Variants in MAP3K13 observed in about 807,000 individuals in gnomAD.
MAP3K13 encodes the protein leucine zipper-bearing kinase.
In MAP3K13, 52 loss-of-function variants were observed where a neutral mutation model predicts 104.0. The ratio of observed to expected loss-of-function variants is 0.50; its 90% CI spans 0.40 to 0.63. MAP3K13 has a LOEUF of 0.63. MAP3K13 is among the 20% of genes least tolerant of loss of function. The probability of loss-of-function intolerance (pLI) is 0.00; values close to 1 mark genes in which losing one functional copy is unlikely to be tolerated. For missense variants in MAP3K13, 914 were observed against 1,218.5 expected, an observed-to-expected ratio of 0.75 and a Z score of 3.72; for synonymous variants, 394 against 442.2, an observed-to-expected ratio of 0.89 and a Z score of 1.37.
intron 2 of MAP3K13, among the ~76,000 whole-genome samples, chr3:185,308,753 T>C (rs1291277790): frequency 6.6e-6 from 1 of 152,194 alleles, no homozygotes; most frequent in Admixed American, 6.5e-5. Flanking sequence ...TCCTTTTCTT[T>C]CCCTTCTGAT....
chr3:185,360,782 T>C (rs1338540591), upstream of MAP3K13, among the ~76,000 whole-genome samples: 2 of 151,044 alleles, frequency 1.3e-5, no homozygotes, highest in African/African-American at 4.9e-5. Context: ...TTTGTTGCTG[T>C]CAAAACTTAC....
chr3:185,373,708 G>A (rs1724271413), intron 1 of MAP3K13, among the ~76,000 whole-genome samples: 2 of 151,946 alleles, frequency 1.3e-5, no homozygotes, highest in African/African-American at 4.8e-5. Flanking sequence ...TAAATAACAA[G>A]AGAACAAAAC....
chr3:185,362,930 AACAC>A (rs772942357), upstream of MAP3K13: 613 of 132,490 alleles, frequency 4.6e-3, 3 homozygotes, highest in African/African-American at 0.015. Context: ...CACAGCTTGA[AACAC>A]ACACACACAC....
chr3:185,367,960 C>T (rs1723968040), intron 1 of MAP3K13, among the ~76,000 whole-genome samples: 1 of 152,100 alleles, frequency 6.6e-6, no homozygotes, highest in Non-Finnish European at 1.5e-5. Context: ...AATCTTCATC[C>T]ATCCTGGGCA....
At chr3:185,462,815 T>C (rs1386533250) in intron 7 of MAP3K13, among the ~76,000 whole-genome samples, 1 of 152,102 alleles carries the variant, frequency 6.6e-6, no homozygotes, top group Non-Finnish European at 1.5e-5. Flanking sequence ...TTTAAAGCAG[T>C]CATTCAAAGC....
At chr3:185,449,456 A>G (rs190317554) in intron 5 of MAP3K13, among the ~76,000 whole-genome samples, 379 of 147,520 alleles carry the variant, frequency 2.6e-3, no homozygotes, top group Middle Eastern at 7.1e-3. Context: ...TTATGGTTTC[A>G]TTTTTCTATT....
rs935380153 is a variant in MAP3K13, at chr3:185,459,734, G to A, written c.1279-3816G>A. Among the ~76,000 whole-genome samples, 4 of 152,144 alleles carry A rather than the reference G, an allele frequency of 2.6e-5. No homozygotes were observed. The South Asian group carries it at 6.2e-4, about 24-fold the overall frequency. The stretch of plus-strand genomic sequence containing the variant: ...CAAAGTGCTGGGATTATAGACATGA[G>A]CCACTCCACCCGGCCGATTTTAACC... On this transcript the variant is annotated intron_variant, in intron 7 of 13. Transcript: ENST00000265026.
chr3:185,465,637 G>T, intron 8 of MAP3K13, 110 bp from the exon 9 acceptor site: 1 of 740,512 alleles, frequency 1.4e-6, no homozygotes, highest in Non-Finnish European at 2.4e-6. Flanking sequence ...AAAGTAAGAG[G>T]GCCTTGGGCA....
chr3:185,314,662 A>G (rs1475423467), intron 2 of MAP3K13, among the ~76,000 whole-genome samples: 1 of 151,988 alleles, frequency 6.6e-6, no homozygotes, highest in Non-Finnish European at 1.5e-5. Flanking sequence ...TCTGTCACCC[A>G]AGCTGGAGTA....
chr3:185,311,339 G>A (rs553383321), intron 2 of MAP3K13, among the ~76,000 whole-genome samples: 29 of 152,244 alleles, frequency 1.9e-4, no homozygotes, highest in African/African-American at 6.7e-4. Flanking sequence ...AGAAGCAAAA[G>A]TGAAAACCCC....
At chr3:185,371,463 A>C (rs557847066) in intron 1 of MAP3K13, among the ~76,000 whole-genome samples, 9 of 152,358 alleles carry the variant, frequency 5.9e-5, no homozygotes, top group Admixed American at 2.6e-4. Flanking sequence ...CAGGAAAAAC[A>C]ATGTAGAACA....
intron 2 of MAP3K13, among the ~76,000 whole-genome samples, chr3:185,294,119 T>C (rs1280790424): frequency 6.6e-6 from 1 of 152,188 alleles, no homozygotes. Flanking sequence ...TTAGCATGAC[T>C]GGGAATTTGA....
intron 7 of MAP3K13, among the ~76,000 whole-genome samples, chr3:185,458,206 T>C (rs1178288006): frequency 1.3e-5 from 2 of 151,884 alleles, no homozygotes; most frequent in African/African-American, 2.4e-5. Context: ...AAGTGTCTAC[T>C]GAAAATACAA....
At chr3:185,355,000 G>A (rs553621860) in intron 2 of MAP3K13, among the ~76,000 whole-genome samples, 13 of 152,132 alleles carry the variant, frequency 8.5e-5, no homozygotes, top group African/African-American at 1.4e-4. Context: ...CAATCTTCCC[G>A]GGGCCCTAAT....
intron 10 of MAP3K13, among the ~76,000 whole-genome samples, chr3:185,469,887 C>A (rs1240569717): frequency 6.6e-6 from 1 of 152,202 alleles, no homozygotes; most frequent in Non-Finnish European, 1.5e-5. Flanking sequence ...TGGATTCTAC[C>A]ACTAATGAGC....
intron 8 of MAP3K13, among the ~76,000 whole-genome samples, chr3:185,464,570 C>G (rs1279013258): frequency 6.6e-6 from 1 of 152,098 alleles, no homozygotes; most frequent in African/African-American, 2.4e-5. Context: ...TTCTCCTTTG[C>G]CTTCTGCCAT....
chr3:185,484,670 GTTTAA>G lies in MAP3K13; in HGVS notation c.*2219_*2223del. On this transcript the variant is annotated 3_prime_UTR_variant, in exon 14 of 14. Coordinates refer to ENST00000265026, the MANE Select transcript of MAP3K13 (RefSeq NM_004721.5). ...TATAGCTCTTAGGATGAAGGAAAAT[GTTTAA>G]TTTATACAAAGAGCAGTATTGTTTG... is the stretch of plus-strand genomic sequence containing the variant. 1.3e-5 allele frequency: 2 copies of G among 152,280 alleles called. No homozygotes were observed. Among genetic ancestry groups the G allele is most frequent in the African/African-American group, 4.8e-5 (2 of 41,542 alleles). 9.4% of individuals were successfully genotyped at this position (152,280 alleles called of 1,614,324 possible). A position where few individuals can be genotyped will look rare whatever the true frequency, so the allele number is the denominator to read the frequency against.
At chr3:185,292,522 G>A (rs1001988251) in intron 2 of MAP3K13, 1 of 353,252 alleles carries the variant, frequency 2.8e-6, no homozygotes, top group African/African-American at 2.2e-5. Flanking sequence ...TCTATAAAGT[G>A]AATCTAACAT....
At chr3:185,301,062 C>T (rs1721086474) in intron 2 of MAP3K13, among the ~76,000 whole-genome samples, 2 of 152,110 alleles carry the variant, frequency 1.3e-5, no homozygotes, top group Admixed American at 6.5e-5. Flanking sequence ...TACATTCCCA[C>T]CAACAGTGTA....
Sources: gnomAD v4.1 joint callset for allele counts (sites outside exome capture counted in the v4.1 genomes callset) on GRCh38, gnomAD v4.1.1 for gene constraint, MANE v1.5 for transcripts, NCBI Gene and HGNC (gene_info 2026-07-23, HGNC 2026-07-21) for gene names.